The following MACROD2 variants were observed in gnomAD, a reference collection of about 807,000 sequenced individuals.
The protein encoded by MACROD2 is mono-ADP ribosylhydrolase 2.
In MACROD2, 36 loss-of-function variants were observed where a neutral mutation model predicts 70.4. The observed-to-expected ratio is 0.51, with a 90% CI of 0.39 to 0.68. The LOEUF (loss-of-function observed/expected upper bound fraction) is 0.68, where lower values mean the gene tolerates loss of function less well. Among genes scored for constraint, MACROD2 ranks in the 30% least tolerant of loss-of-function variants. MACROD2 has a pLI of 0.00. For synonymous variants in MACROD2, 172 were observed against 178.8 expected (o/e 0.96, Z 0.30); for missense variants, 496 against 538.4 (o/e 0.92, Z 0.78).
chr20:14,702,674 T>C lies in MACROD2; in HGVS notation c.418+17715T>C, dbSNP rs1302341642. Among the ~76,000 whole-genome samples the C allele has an allele frequency of 2.6e-3, 203 of 78,420 alleles. 24 individuals are homozygous for C. Among genetic ancestry groups the C allele is most frequent in the South Asian group, 0.013 (21 of 1,672 alleles). 51.4% of individuals were successfully genotyped at this position (78,420 alleles called of 152,430 possible). On this transcript the variant is annotated intron_variant, in intron 5 of 17. Transcript: ENST00000684519. ...ACACATATATATGTGTATATATATA[T>C]ACACATATATGTGTATATATATGTA...
chr20:14,722,736 A>G (rs967375582), intron 5 of MACROD2, among the ~76,000 whole-genome samples: 3 of 152,302 alleles, frequency 2.0e-5, no homozygotes, highest in East Asian at 1.9e-4. Context: ...TTGGTTCCCA[A>G]ATGTAATGAA....
At chr20:15,138,181 GA>G (rs1372716624) in intron 5 of MACROD2, among the ~76,000 whole-genome samples, 3 of 152,072 alleles carry the variant, frequency 2.0e-5, no homozygotes, top group Admixed American at 2.0e-4. Flanking sequence ...ATACACAGAA[GA>G]TTCCTAAGTT....
chr20:15,925,499 G>A (rs1243684051), intron 10 of MACROD2, among the ~76,000 whole-genome samples: 1 of 152,116 alleles, frequency 6.6e-6, no homozygotes, highest in African/African-American at 2.4e-5. Context: ...GGCTATGTGT[G>A]GTATTGAAAA....
chr20:15,858,285 T>TAA (rs11461459), intron 8 of MACROD2, among the ~76,000 whole-genome samples: 16 of 151,344 alleles, frequency 1.1e-4, no homozygotes, highest in East Asian at 7.8e-4. Flanking sequence ...GCCTAACATT[T>TAA]AAAAAAAAAT....
At chr20:15,570,932 C>T (rs1047234657) in intron 8 of MACROD2, among the ~76,000 whole-genome samples, 5 of 152,082 alleles carry the variant, frequency 3.3e-5, no homozygotes, top group African/African-American at 1.2e-4. Context: ...CAACACATAT[C>T]CACTAAAGCA....
At chr20:14,929,087 C>G (rs570081669) in intron 5 of MACROD2, among the ~76,000 whole-genome samples, 2 of 152,248 alleles carry the variant, frequency 1.3e-5, no homozygotes, top group East Asian at 3.9e-4. Flanking sequence ...AAACATTTCT[C>G]TACTCTCATA....
intron 8 of MACROD2, among the ~76,000 whole-genome samples, chr20:15,685,110 A>G (rs556661447): frequency 7.9e-5 from 12 of 152,306 alleles, no homozygotes; most frequent in Admixed American, 5.2e-4. Context: ...TCTCTGTGAT[A>G]TGTGCATTCT....
chr20:14,103,934 G>A lies in MACROD2; in HGVS notation c.271+18206G>A, dbSNP rs975164696. On this transcript the variant is annotated intron_variant, in intron 3 of 17. Transcript: ENST00000684519. The stretch of plus-strand genomic sequence containing the variant: ...GAAATCTTTGATTATTCCCTTGGAG[G>A]ACATTCCCTTAAAGTGAAATTATGG... 5.9e-5 allele frequency among the ~76,000 whole-genome samples: 9 copies of A among 152,076 alleles called. No individual in the cohort carries two copies. The South Asian group carries it at 8.3e-4, about 14-fold the overall frequency.
intron 15 of MACROD2, among the ~76,000 whole-genome samples, chr20:16,017,571 T>C (rs2066945858): frequency 6.6e-6 from 1 of 152,184 alleles, no homozygotes; most frequent in Non-Finnish European, 1.5e-5. Flanking sequence ...GTTTCCCTCC[T>C]TTCTCTCCCT....
intron 5 of MACROD2, among the ~76,000 whole-genome samples, chr20:14,934,415 A>G (rs1353543849): frequency 6.6e-6 from 1 of 152,148 alleles, no homozygotes; most frequent in Non-Finnish European, 1.5e-5. Flanking sequence ...CGCACCTTCA[A>G]CCCGTCTCCC....
intron 15 of MACROD2, among the ~76,000 whole-genome samples, chr20:16,021,466 G>A (rs976255401): frequency 1.6e-4 from 24 of 152,192 alleles, no homozygotes; most frequent in Non-Finnish European, 3.1e-4. Flanking sequence ...GCCTGTCCAG[G>A]GTGCGCAGCT....
At chr20:14,100,850 A>G (rs1316778568) in intron 3 of MACROD2, among the ~76,000 whole-genome samples, 1 of 141,850 alleles carries the variant, frequency 7.0e-6, no homozygotes, top group Non-Finnish European at 1.5e-5. Context: ...AATATAATAT[A>G]TATCATATAT....
At chr20:15,953,571 A>G (rs2065935879) in intron 12 of MACROD2, among the ~76,000 whole-genome samples, 1 of 152,204 alleles carries the variant, frequency 6.6e-6, no homozygotes, top group Admixed American at 6.6e-5. Flanking sequence ...CACATAAGTT[A>G]AGGCTTTTTT....
chr20:14,336,376 C>A (rs1021782166), intron 3 of MACROD2, among the ~76,000 whole-genome samples: 10 of 151,618 alleles, frequency 6.6e-5, no homozygotes, highest in African/African-American at 2.2e-4. Context: ...TAAAAACAAA[C>A]CCCCCAGATG....
intron 3 of MACROD2, among the ~76,000 whole-genome samples, chr20:14,189,273 G>C (rs576781379): frequency 6.6e-6 from 1 of 152,180 alleles, no homozygotes; most frequent in Admixed American, 6.5e-5. Flanking sequence ...AAGATAAATT[G>C]ATCTTAGAGA....
At chr20:14,144,062 A>G (rs1463037217) in intron 3 of MACROD2, among the ~76,000 whole-genome samples, 1 of 152,040 alleles carries the variant, frequency 6.6e-6, no homozygotes, top group African/African-American at 2.4e-5. Context: ...TTAGGGAGAA[A>G]AACCCAGTGC....
At position 14,493,503 on chromosome 20, in the gene MACROD2, G is replaced by A; in HGVS notation, c.296G>A (p.Gly99Glu). Residue 99 changes from glycine to glutamate, a missense_variant, in exon 4 of 18, where the codon GGA (glycine) becomes GAA (glutamate). Transcript: ENST00000684519. ...GCAAATGCCAGTCTTCTTGGAGGAG[G>A]AGGTGGTAAGTCCTGAACATCACTT... is the stretch of plus-strand genomic sequence containing the variant. ...NAANASLLGGGGVDGCIHRAA... is the reference protein window; with the variant it reads ...NAANASLLGGEGVDGCIHRAA... 6.2e-7 allele frequency: 1 copy of A among 1,608,780 alleles called. No homozygotes were observed. The highest frequency in any genetic ancestry group is 8.5e-7 in the Non-Finnish European group (1 of 1,176,336).
intron 15 of MACROD2, among the ~76,000 whole-genome samples, chr20:16,004,957 A>G (rs540035886): frequency 6.6e-6 from 1 of 152,358 alleles, no homozygotes; most frequent in South Asian, 2.1e-4. Context: ...TCACTAAGTC[A>G]TGCTGGCCTG....
chr20:15,834,181 G>A (rs762202517), intron 8 of MACROD2, among the ~76,000 whole-genome samples: 9 of 151,926 alleles, frequency 5.9e-5, no homozygotes, highest in South Asian at 2.1e-4. Context: ...ATTTAAACAC[G>A]CTGCAAAAAT....
Sources: gnomAD v4.1 joint callset for allele counts (sites outside exome capture counted in the v4.1 genomes callset) on GRCh38, gnomAD v4.1.1 for gene constraint, MANE v1.5 for transcripts, NCBI Gene and HGNC (gene_info 2026-07-23, HGNC 2026-07-21) for gene names.